The following ANKRD35 variants were observed in gnomAD, a reference collection of about 807,000 sequenced individuals.
ANKRD35 encodes ankyrin repeat domain 35, also known as ankyrin repeat domain-containing protein 35.
In ANKRD35, 102 loss-of-function variants were observed where a neutral mutation model predicts 109.9. The observed-to-expected ratio is 0.93, with a 90% CI of 0.79 to 1.09. The LOEUF (loss-of-function observed/expected upper bound fraction) is 1.09, where lower values mean the gene tolerates loss of function less well. Ranked by LOEUF, ANKRD35 falls within the 50% of genes least tolerant of loss-of-function variation. The pLI is 0.00. For synonymous variants in ANKRD35, 515 were observed against 512.4 expected (o/e 1.01, Z -0.07); for missense variants, 1,240 against 1,230.1 (o/e 1.01, Z -0.12).
chr1:145,885,595 A>C, intron 1 of ANKRD35, 125 bp downstream of exon 1: 1 of 1,188,682 alleles, frequency 8.4e-7, no homozygotes, highest in Non-Finnish European at 1.2e-6. Context: ...CTTCCTTGCA[A>C]GACTAGAAGA....
At chr1:145,875,919 T>C (rs1315521394) in intron 7 of ANKRD35, among the ~76,000 whole-genome samples, 1 of 152,096 alleles carries the variant, frequency 6.6e-6, no homozygotes, top group Non-Finnish European at 1.5e-5. Flanking sequence ...TCCAGAAGTG[T>C]CGATTCTACT....
intron 1 of ANKRD35, among the ~76,000 whole-genome samples, chr1:145,884,638 GT>G (rs369941628): frequency 0.042 from 6,129 of 147,670 alleles, 448 homozygotes; most frequent in African/African-American, 0.14. Flanking sequence ...ATAATCTTAT[GT>G]TTTTTTTTTT....
In ANKRD35 at chr1:145,872,009, A is replaced by G. The variant is rs1653839563; in HGVS notation, c.2760T>C (p.Ile920=). 2 of 1,612,372 alleles carry G rather than the reference A, an allele frequency of 1.2e-6. No individual in the cohort carries two copies. Among genetic ancestry groups the G allele is most frequent in the Non-Finnish European group, 1.7e-6 (2 of 1,179,982 alleles). ...TGGCTTCCTTGTCTCGGCAAGCCCC[A>G]ATGAGATGCTCCATCTTCTCTTTCA... ...ELLKEKMEHL[I]GACRDKEAKI... The change falls in exon 10 of 14, where the codon ATT becomes ATC. Residue 920 remains isoleucine (I), a synonymous_variant. Coordinates refer to ENST00000355594, the MANE Select transcript of ANKRD35 (RefSeq NM_144698.5).
chr1:145,874,691 G>A (rs1653991667), intron 8 of ANKRD35, 131 bp downstream of exon 8: 1 of 1,150,672 alleles, frequency 8.7e-7, no homozygotes, highest in Non-Finnish European at 1.2e-6. Context: ...CACAGTAGCA[G>A]CAATAAATAC....
Position 145,871,452 on chromosome 1 carries a change from C to T in ANKRD35, c.2787+530G>A, listed in dbSNP as rs1559172066. Among the ~76,000 whole-genome samples, 5 of 152,104 alleles carry T rather than the reference C, an allele frequency of 3.3e-5. No homozygotes were observed. The South Asian group carries it at 8.3e-4, about 25-fold the overall frequency. On this transcript the variant is annotated intron_variant, in intron 10 of 13. Coordinates refer to ENST00000355594, the MANE Select transcript of ANKRD35 (RefSeq NM_144698.5). ...TGCTGGGATTACAGGCGTGAGCCAC[C>T]GCGCCCGGCCTCAAGATTTTTTTCT...
rs192484330 is a variant in ANKRD35, at chr1:145,878,364, C to T, written c.259+27G>A. 1.8e-4 allele frequency: 275 copies of T among 1,551,872 alleles called. 2 individuals carry two copies. The highest frequency in any genetic ancestry group is 6.6e-4 in the Admixed American group (34 of 51,368). On this transcript the variant is annotated intron_variant, in intron 3 of 13. Coordinates refer to ENST00000355594, the MANE Select transcript of ANKRD35 (RefSeq NM_144698.5). ...TGCTGTACCAGGGGCAAGCAAGCAG[C>T]GTGGCCCAGTGCTCCGGCTCACTCA...
chr1:145,875,239 A>G (rs1430040393), intron 7 of ANKRD35, among the ~76,000 whole-genome samples: 1 of 150,800 alleles, frequency 6.6e-6, no homozygotes, highest in Admixed American at 6.6e-5. Flanking sequence ...TCTGCCTCCC[A>G]GGTTCATGCG....
rs1408588484 is a variant in ANKRD35, at chr1:145,873,312, G to T, written c.1457C>A (p.Ala486Glu). The change falls in exon 10 of 14, where the codon GCA becomes GAA. Residue 486 changes from alanine (A) to glutamate (E), a missense_variant. Coordinates refer to ENST00000355594, the MANE Select transcript of ANKRD35 (RefSeq NM_144698.5). ...GGTVAEPVGP[A>E]AMNQLLLQLR... ...TTGAAGCAGAAGCTGGTTCATGGCT[G>T]CTGGGCCCACTGGTTCAGCCACTGT... The T allele has an allele frequency of 2.5e-5, 40 of 1,614,042 alleles. No homozygotes were observed. The highest frequency in any genetic ancestry group is 3.2e-5 in the Non-Finnish European group (38 of 1,180,030).
At chr1:145,871,954 G>A (rs1553738721) in intron 10 of ANKRD35, 28 bp downstream of exon 10, 3 of 1,603,784 alleles carry the variant, frequency 1.9e-6, no homozygotes, top group Non-Finnish European at 2.5e-6. Context: ...TTTCCCCAGT[G>A]CTCCCCAGGG....
At chr1:145,867,174 G>C (rs1289563402) in intron 13 of ANKRD35, 113 bp downstream of exon 13, 4 of 680,836 alleles carry the variant, frequency 5.9e-6, no homozygotes, top group Non-Finnish European at 1.0e-5. Context: ...GCCCCAAAAG[G>C]CTCCCCATTG....
chr1:145,874,877 T>TTG lies in ANKRD35; in HGVS notation c.688_689dup (p.Gln230HisfsTer14). 1 of 1,612,944 alleles carries TTG rather than the reference T, an allele frequency of 6.2e-7. No homozygotes were observed. The highest frequency in any genetic ancestry group is 1.1e-5 in the South Asian group (1 of 90,840). Reference sequence around the variant, plus strand: ...GTAGGTGCCTCCACAGTGCCTTGTCTTGTGTGTGCAGAGCATAGTGCAGAG... The same window carrying TTG: ...GTAGGTGCCTCCACAGTGCCTTGTCTTGTGTGTGTGCAGAGCATAGTGCAGAG... On this transcript the variant is annotated frameshift_variant, in exon 8 of 14. Coordinates refer to ENST00000355594, the MANE Select transcript of ANKRD35 (RefSeq NM_144698.5). LOFTEE classifies it high-confidence loss of function.
At chr1:145,879,120 A>AG in intron 2 of ANKRD35, 138 bp downstream of exon 2, 1 of 1,192,994 alleles carries the variant, frequency 8.4e-7, no homozygotes, top group Non-Finnish European at 1.1e-6. Flanking sequence ...GTAGCAAAAA[A>AG]CTATTGATAT....
In ANKRD35 at chr1:145,874,861, T is replaced by TC. The variant is rs1553739754; in HGVS notation, c.705dup (p.Arg236GlufsTer31). ...CGGCTCAGGGCCTGCTGTAGGTGCC[T>TC]CCACAGTGCCTTGTCTTGTGTGTGC... is the stretch of plus-strand genomic sequence containing the variant. On this transcript the variant is annotated frameshift_variant, in exon 8 of 14. Transcript: ENST00000355594. LOFTEE classifies it high-confidence loss of function. The TC allele has an allele frequency of 1.9e-6, 3 of 1,609,566 alleles. No individual in the cohort carries two copies.
At position 145,879,428 on chromosome 1, in the gene ANKRD35, G is replaced by A. The variant is rs374547444; in HGVS notation, c.40-40C>T. On this transcript the variant is annotated intron_variant, in intron 1 of 13. Transcript: ENST00000355594. ...CAGGTTGTGTGAATATAGGGCATGA[G>A]GGTAGTGTGGAGAAAGAAAAGAGGC... The A allele has an allele frequency of 1.6e-4, 219 of 1,405,804 alleles. 3 individuals are homozygous for A. The African/African-American group carries it at 2.9e-3, about 19-fold the overall frequency. The allele number at this position is 1,405,804 out of a possible 1,614,324, so 87.1% of individuals were successfully genotyped here.
chr1:145,872,448 G>A lies in ANKRD35; in HGVS notation c.2321C>T (p.Pro774Leu), dbSNP rs1553738928. The change falls in exon 10 of 14, where the codon CCA becomes CTA. Residue 774 changes from proline (P) to leucine (L), a missense_variant. Coordinates refer to ENST00000355594, the MANE Select transcript of ANKRD35 (RefSeq NM_144698.5). Reference protein sequence around the residue: ...CREPGTSLKAPASPQVAALEQ... With the variant: ...CREPGTSLKALASPQVAALEQ... Reference sequence around the variant, plus strand: ...CAGAGCGGCCACTTGGGGGGATGCTGGGGCCTTTAAGGAGGTGCCTGGCTC... The same window carrying A: ...CAGAGCGGCCACTTGGGGGGATGCTAGGGCCTTTAAGGAGGTGCCTGGCTC... The A allele has an allele frequency of 4.4e-6, 7 of 1,608,620 alleles. No homozygotes were observed. Among genetic ancestry groups the A allele is most frequent in the Admixed American group, 1.7e-5 (1 of 58,988 alleles).
chr1:145,868,529 C>T (rs1404508175), intron 10 of ANKRD35, 129 bp from the exon 11 acceptor site: 1 of 723,138 alleles, frequency 1.4e-6, no homozygotes, highest in African/African-American at 1.8e-5. Flanking sequence ...ATTTAACACT[C>T]AAAACAGCTT....
At chr1:145,879,065 C>T (rs1386727001) in intron 2 of ANKRD35, among the ~76,000 whole-genome samples, 193 bp downstream of exon 2, 2 of 152,124 alleles carry the variant, frequency 1.3e-5, no homozygotes, top group Admixed American at 1.3e-4. Context: ...ATGGATGGAG[C>T]TCAGGAACAA....
Position 145,872,371 on chromosome 1 carries a change from T to G in ANKRD35, c.2398A>C (p.Met800Leu). Residue 800 changes from methionine (M) to leucine (L), a missense_variant, in exon 10 of 14, where the codon ATG (methionine) becomes CTG (leucine). By Grantham distance (15) the Met-to-Leu change is conservative. Coordinates refer to ENST00000355594, the MANE Select transcript of ANKRD35 (RefSeq NM_144698.5). The stretch of plus-strand genomic sequence containing the variant: ...CCGATCTCCTGGCTCTTCCCGCTCA[T>G]CGTGGCCTGAACTGCCCGCAGCTCT... ...EEELRAVQAT[M>L]SGKSQEIGKL... is the part of the protein sequence containing the mutation. 6.2e-7 allele frequency: 1 copy of G among 1,612,898 alleles called. No homozygotes were observed. The highest frequency in any genetic ancestry group is 1.1e-5 in the South Asian group (1 of 91,006).
intron 8 of ANKRD35, 29 bp downstream of exon 8, chr1:145,874,793 G>C: frequency 6.5e-7 from 1 of 1,534,790 alleles, no homozygotes; most frequent in South Asian, 1.3e-5. Flanking sequence ...GATTCTTAGA[G>C]AACGTGGAAG....
Sources: gnomAD v4.1 joint callset for allele counts (sites outside exome capture counted in the v4.1 genomes callset) on GRCh38, gnomAD v4.1.1 for gene constraint, MANE v1.5 for transcripts, NCBI Gene and HGNC (gene_info 2026-07-23, HGNC 2026-07-21) for gene names.